The following IGF2BP3 variants were observed in gnomAD, a reference collection of about 807,000 sequenced individuals.
IGF2BP3 encodes insulin like growth factor 2 mRNA binding protein 3, also known as insulin-like growth factor 2 mRNA-binding protein 3.
Under a neutral mutation model 73.8 loss-of-function variants are expected in IGF2BP3, and 9 were observed. The ratio of observed to expected loss-of-function variants is 0.12; its 90% confidence interval spans 0.07 to 0.21. The LOEUF (loss-of-function observed/expected upper bound fraction) is 0.21, where lower values mean the gene tolerates loss of function less well. IGF2BP3 is among the 10% of genes least tolerant of loss of function. The pLI is 1.00. For synonymous variants in IGF2BP3, 258 were observed against 256.7 expected (o/e 1.01, Z -0.05); for missense variants, 542 against 714.0 (o/e 0.76, Z 2.75).
rs943270902 is a variant in IGF2BP3 at position 23,415,425 on chromosome 7, G to A, written c.285+3351C>T. On this transcript the variant is annotated intron_variant, in intron 3 of 14. Coordinates refer to ENST00000258729, the MANE Select transcript of IGF2BP3 (RefSeq NM_006547.3). The stretch of plus-strand genomic sequence containing the variant: ...TCACCGCATCCGCAGGTCCCCCTCC[G>A]TCAGCCGGCATCACCGCATCCGCAG... 5.0e-5 allele frequency: 9 copies of A among 179,132 alleles called. No homozygotes were observed. The Admixed American group carries it at 5.1e-4, about 10-fold the overall frequency. 11.1% of individuals were successfully genotyped at this position (179,132 alleles called of 1,614,324 possible). A position where few individuals can be genotyped will look rare whatever the true frequency, so the allele number is the denominator to read the frequency against.
intron 2 of IGF2BP3, among the ~76,000 whole-genome samples, chr7:23,441,497 C>T (rs866327395): frequency 3.5e-5 from 5 of 144,842 alleles, no homozygotes; most frequent in South Asian, 4.5e-4. Context: ...CGCTTGAACC[C>T]GGGAGGCCGA....
chr7:23,348,658 A>T (rs1052280179), intron 6 of IGF2BP3, among the ~76,000 whole-genome samples: 3 of 152,060 alleles, frequency 2.0e-5, no homozygotes, highest in Non-Finnish European at 4.4e-5. Context: ...GAAATTTACT[A>T]ACTTCCCTGG....
intron 2 of IGF2BP3, among the ~76,000 whole-genome samples, chr7:23,454,442 C>T (rs1050531663): frequency 7.9e-5 from 12 of 152,124 alleles, no homozygotes; most frequent in South Asian, 4.1e-4. Flanking sequence ...CGGGGTCATA[C>T]GGGAATAGGC....
At chr7:23,391,512 T>C (rs1016598128) in intron 3 of IGF2BP3, among the ~76,000 whole-genome samples, 2 of 152,168 alleles carry the variant, frequency 1.3e-5, no homozygotes, top group African/African-American at 2.4e-5. Context: ...TGTAATGGGT[T>C]TAGACACTCA....
intron 3 of IGF2BP3, among the ~76,000 whole-genome samples, chr7:23,383,403 C>T (rs1035230833): frequency 2.6e-5 from 4 of 152,174 alleles, no homozygotes; most frequent in Admixed American, 2.0e-4. Flanking sequence ...CATTAGTCAT[C>T]AGGCAAATGC....
chr7:23,408,777 A>C (rs989022954), intron 3 of IGF2BP3, among the ~76,000 whole-genome samples: 1 of 152,240 alleles, frequency 6.6e-6, no homozygotes, highest in Non-Finnish European at 1.5e-5. Context: ...GGCATTGATC[A>C]CAATAGCCAA....
At chr7:23,346,120 A>G in intron 7 of IGF2BP3, 58 bp from the exon 8 acceptor site, 1 of 1,555,864 alleles carries the variant, frequency 6.4e-7, no homozygotes, top group Non-Finnish European at 8.7e-7. Context: ...GTGGGTAAAA[A>G]GACAATATTC....
chr7:23,392,163 G>A (rs906959485), intron 3 of IGF2BP3, among the ~76,000 whole-genome samples: 3 of 152,170 alleles, frequency 2.0e-5, no homozygotes, highest in African/African-American at 7.2e-5. Flanking sequence ...CATGAATGTT[G>A]TAAACTGATG....
intron 3 of IGF2BP3, among the ~76,000 whole-genome samples, chr7:23,365,068 A>C (rs1445820664): frequency 6.6e-6 from 1 of 152,146 alleles, no homozygotes; most frequent in Non-Finnish European, 1.5e-5. Context: ...CAGGAGGCTG[A>C]GGCAGGAGAA....
intron 3 of IGF2BP3, among the ~76,000 whole-genome samples, chr7:23,363,899 C>G (rs1030804862): frequency 3.9e-5 from 6 of 152,190 alleles, no homozygotes; most frequent in Non-Finnish European, 4.4e-5. Flanking sequence ...AAACCTCTCA[C>G]GTTGCCATTC....
intron 2 of IGF2BP3, among the ~76,000 whole-genome samples, chr7:23,460,810 G>T (rs1280374209): frequency 6.6e-6 from 1 of 152,054 alleles, no homozygotes; most frequent in Non-Finnish European, 1.5e-5. Flanking sequence ...AATCAACTGG[G>T]CATGGTGGTG....
chr7:23,390,185 G>C (rs1345046513), intron 3 of IGF2BP3, among the ~76,000 whole-genome samples: 1 of 152,086 alleles, frequency 6.6e-6, no homozygotes, highest in Non-Finnish European at 1.5e-5. Flanking sequence ...TAAAAGTTTT[G>C]TTAATATCAA....
At chr7:23,345,800 G>T in intron 8 of IGF2BP3, 140 bp downstream of exon 8, 1 of 953,594 alleles carries the variant, frequency 1.0e-6, no homozygotes, top group Non-Finnish European at 1.5e-6. Context: ...CAGGCAGCAA[G>T]CTGTATTTGA....
intron 3 of IGF2BP3, among the ~76,000 whole-genome samples, chr7:23,364,652 C>T (rs956151575): frequency 2.1e-4 from 31 of 150,192 alleles, no homozygotes; most frequent in African/African-American, 5.9e-4. Context: ...TTTTTCAATA[C>T]GAAAAATGTT....
Position 23,361,588 on chromosome 7 carries a change from T to C in IGF2BP3, c.347A>G (p.Asp116Gly). ...VVESCEQVNT[D>G]SETAVVNVTY... Reference sequence around the variant, plus strand: ...TACATTTACAACTGCAGTTTCCGAGTCAGTGTTCACTAGAGGAAGAGAAAA... The same window carrying C: ...TACATTTACAACTGCAGTTTCCGAGCCAGTGTTCACTAGAGGAAGAGAAAA... Residue 116 changes from aspartate (D) to glycine (G), a missense_variant, in exon 5 of 15, where the codon GAC becomes GGC. Physicochemically the swap from Asp to Gly is moderately conservative, Grantham distance 94. Coordinates refer to ENST00000258729, the MANE Select transcript of IGF2BP3 (RefSeq NM_006547.3). 2 of 1,613,450 alleles carry C rather than the reference T, an allele frequency of 1.2e-6. No homozygotes were observed. The highest frequency in any genetic ancestry group is 1.7e-6 in the Non-Finnish European group (2 of 1,179,710).
intron 3 of IGF2BP3, among the ~76,000 whole-genome samples, chr7:23,410,069 TGA>T (rs1025436448): frequency 7.9e-5 from 12 of 152,070 alleles, no homozygotes; most frequent in African/African-American, 2.9e-4. Context: ...CTCAGGAGGC[TGA>T]GACACGAGAA....
At chr7:23,346,147 C>A (rs561289218) in intron 7 of IGF2BP3, 85 bp from the exon 8 acceptor site, 3 of 1,435,000 alleles carry the variant, frequency 2.1e-6, no homozygotes, top group Middle Eastern at 1.8e-4. Context: ...TAAACATTTA[C>A]TTCCTACCTA....
chr7:23,315,949 A>G (rs950757258), intron 12 of IGF2BP3, among the ~76,000 whole-genome samples: 4 of 152,254 alleles, frequency 2.6e-5, no homozygotes, highest in Non-Finnish European at 4.4e-5. Flanking sequence ...TGAAGTTCCT[A>G]TCATACAAAC....
intron 11 of IGF2BP3, 93 bp downstream of exon 11, chr7:23,319,045 T>C (rs1433877387): frequency 1.2e-6 from 1 of 858,610 alleles, no homozygotes; most frequent in African/African-American, 1.7e-5. Context: ...AACAGTGTCT[T>C]TTACATTCTA....
Sources: allele counts gnomAD v4.1 joint callset (sites outside exome capture counted in the v4.1 genomes callset), GRCh38; gene constraint gnomAD v4.1.1; transcripts MANE v1.5; gene names NCBI Gene and HGNC (gene_info 2026-07-23, HGNC 2026-07-21).